The following AGMO variants were observed in gnomAD, a reference collection of about 807,000 sequenced individuals.
AGMO encodes alkylglycerol monooxygenase, also known as glyceryl-ether monooxygenase.
Under a neutral mutation model 60.2 loss-of-function variants are expected in AGMO, and 75 were observed. The observed-to-expected ratio is 1.25, with a 90% confidence interval of 1.03 to 1.51. AGMO has a LOEUF of 1.51. Ranked by LOEUF, AGMO falls within the 40% of genes most tolerant of loss-of-function variation. AGMO has a pLI of 0.00. For synonymous variants in AGMO, 261 were observed against 177.1 expected, an observed-to-expected ratio of 1.47 and a Z score of -3.76; for missense variants, 763 against 525.5, an observed-to-expected ratio of 1.45 and a Z score of -4.42.
At chr7:15,185,643 G>C in the AGMO span, among the ~76,000 whole-genome samples, 1 of 150,882 alleles carries the variant, frequency 6.6e-6, no homozygotes, top group South Asian at 2.1e-4. Context: ...AGGAGAGAAG[G>C]CAGATGATTT....
chr7:15,277,062 C>T (rs1425364587), intron 12 of AGMO, among the ~76,000 whole-genome samples: 1 of 151,928 alleles, frequency 6.6e-6, no homozygotes, highest in African/African-American at 2.4e-5. Flanking sequence ...AATCCCAGCA[C>T]TTTGGGAGGC....
At chr7:15,257,884 A>G (rs1470121231) in intron 12 of AGMO, among the ~76,000 whole-genome samples, 1 of 152,206 alleles carries the variant, frequency 6.6e-6, no homozygotes, top group Non-Finnish European at 1.5e-5. Context: ...ATGCTAAAAC[A>G]TAAAGCTGCT....
chr7:15,375,757 G>T (rs1467037291), intron 10 of AGMO, among the ~76,000 whole-genome samples: 1 of 151,970 alleles, frequency 6.6e-6, no homozygotes, highest in East Asian at 1.9e-4. Flanking sequence ...ATTTAGACTT[G>T]GGAGTTTCCA....
intron 5 of AGMO, chr7:15,396,441 A>G (rs1018415853): frequency 6.6e-6 from 1 of 152,270 alleles, no homozygotes; most frequent in Admixed American, 6.5e-5. Flanking sequence ...TGAGAAGTGA[A>G]GCTGCACACC....
At chr7:15,477,489 T>C (rs151139745) in intron 3 of AGMO, among the ~76,000 whole-genome samples, 19 of 152,204 alleles carry the variant, frequency 1.2e-4, no homozygotes, top group Middle Eastern at 3.4e-3. Flanking sequence ...TGCAAGGAAA[T>C]GCGAACAGAT....
At chr7:15,528,498 G>A (rs1445260150) in intron 3 of AGMO, among the ~76,000 whole-genome samples, 2 of 151,952 alleles carry the variant, frequency 1.3e-5, no homozygotes, top group South Asian at 2.1e-4. Context: ...CATCGTTTAT[G>A]AACTTTTTTT....
the AGMO span, among the ~76,000 whole-genome samples, chr7:15,124,328 T>C: frequency 3.9e-5 from 6 of 152,048 alleles, no homozygotes; most frequent in Non-Finnish European, 1.5e-5. Flanking sequence ...TAATGTTCTT[T>C]TTGTATGATC....
At chr7:15,133,657 C>T in the AGMO span, among the ~76,000 whole-genome samples, 5 of 152,020 alleles carry the variant, frequency 3.3e-5, no homozygotes, top group African/African-American at 7.2e-5. Flanking sequence ...ATTGAAGCTA[C>T]GCAGAGGATG....
chr7:15,291,180 A>G (rs917988338), intron 12 of AGMO, among the ~76,000 whole-genome samples: 1 of 152,024 alleles, frequency 6.6e-6, no homozygotes, highest in Non-Finnish European at 1.5e-5. Context: ...TAAACTTTTA[A>G]TTTATCTTTT....
In AGMO at chr7:15,366,159, C is replaced by T; in HGVS notation, c.1138G>A (p.Gly380Arg). The change falls in exon 11 of 13, where the codon GGA becomes AGA. Residue 380 changes from glycine (G) to arginine (R), a missense_variant. Physicochemically the swap from Gly to Arg is moderately radical, Grantham distance 125. Transcript: ENST00000342526. ...CFIILTLTSI[G>R]FLLDQRPKAA... ...TCTTGCCTTTGATCCAGAAGAAATCCAATGGAAGTCAAGGTCAGGATAATG... is the reference window on the plus strand; with the variant it reads ...TCTTGCCTTTGATCCAGAAGAAATCTAATGGAAGTCAAGGTCAGGATAATG... 1.2e-6 allele frequency: 2 copies of T among 1,607,402 alleles called. No homozygotes were observed. The highest frequency in any genetic ancestry group is 1.7e-6 in the Non-Finnish European group (2 of 1,176,226).
intron 12 of AGMO, among the ~76,000 whole-genome samples, chr7:15,250,952 A>AT (rs1397453582): frequency 4.8e-5 from 7 of 147,238 alleles, no homozygotes; most frequent in African/African-American, 1.9e-4. Flanking sequence ...TCTCAAAAAA[A>AT]AAAATATATA....
At chr7:15,191,157 CT>C in the AGMO span, among the ~76,000 whole-genome samples, 1 of 152,088 alleles carries the variant, frequency 6.6e-6, no homozygotes, top group Admixed American at 6.6e-5. Flanking sequence ...CATAAAATTT[CT>C]ATTTTAAATA....
chr7:15,529,738 C>CCA (rs1784251431), intron 3 of AGMO, among the ~76,000 whole-genome samples: 1 of 100,738 alleles, frequency 9.9e-6, no homozygotes, highest in African/African-American at 3.9e-5. Context: ...TATATATATT[C>CCA]TATATATATA....
intron 12 of AGMO, among the ~76,000 whole-genome samples, chr7:15,325,766 C>T (rs568184468): frequency 6.6e-6 from 1 of 152,030 alleles, no homozygotes; most frequent in Admixed American, 6.6e-5. Flanking sequence ...ATTTTTGAAC[C>T]CTGTATATTA....
At chr7:15,430,838 C>G (rs1443589588) in intron 4 of AGMO, among the ~76,000 whole-genome samples, 167 bp downstream of exon 4, 1 of 150,756 alleles carries the variant, frequency 6.6e-6, no homozygotes, top group Non-Finnish European at 1.5e-5. Context: ...GTGTGTCTGG[C>G]CTTACAGAAG....
At chr7:15,277,546 T>C (rs1583355413) in intron 12 of AGMO, among the ~76,000 whole-genome samples, 1 of 151,934 alleles carries the variant, frequency 6.6e-6, no homozygotes, top group Non-Finnish European at 1.5e-5. Context: ...TTTTTTTCTA[T>C]TTTAAATTTT....
rs183539358 is a variant in AGMO, at chr7:15,454,782, T to C, written c.410-23674A>G. Among the ~76,000 whole-genome samples, 64 of 152,238 alleles carry C rather than the reference T, an allele frequency of 4.2e-4. No homozygotes were observed. In the East Asian group the frequency reaches 0.012, roughly 28 times the overall value. Reference sequence around the variant, plus strand: ...ACCATAGATACTCATGCCTTAAATATTTTACATTTGTATCAAAGTAATACA... The same window carrying C: ...ACCATAGATACTCATGCCTTAAATACTTTACATTTGTATCAAAGTAATACA... On this transcript the variant is annotated intron_variant, in intron 3 of 12. Coordinates refer to ENST00000342526, the MANE Select transcript of AGMO (RefSeq NM_001004320.2).
At chr7:15,394,615 T>G (rs1278101603) in intron 5 of AGMO, among the ~76,000 whole-genome samples, 1 of 152,220 alleles carries the variant, frequency 6.6e-6, no homozygotes, top group African/African-American at 2.4e-5. Flanking sequence ...GATTTCATGT[T>G]GCATTATAGT....
intron 12 of AGMO, among the ~76,000 whole-genome samples, chr7:15,316,918 C>A (rs1165572977): frequency 6.6e-6 from 1 of 152,130 alleles, no homozygotes; most frequent in Admixed American, 6.5e-5. Context: ...TCATGGTAAT[C>A]AAATCAAACT....
Sources: gnomAD v4.1 joint callset for allele counts (sites outside exome capture counted in the v4.1 genomes callset) on GRCh38, gnomAD v4.1.1 for gene constraint, MANE v1.5 for transcripts, NCBI Gene and HGNC (gene_info 2026-07-23, HGNC 2026-07-21) for gene names.